The following NUP153 variants were observed in gnomAD, a reference collection of about 807,000 sequenced individuals.
NUP153 encodes nuclear pore complex protein Nup153.
In NUP153, 27 loss-of-function variants were observed where a neutral mutation model predicts 134.6. The ratio of observed to expected loss-of-function variants is 0.20; its 90% CI spans 0.15 to 0.28. The LOEUF (loss-of-function observed/expected upper bound fraction) is 0.28, where lower values mean the gene tolerates loss of function less well. NUP153 is among the 10% of genes least tolerant of loss of function. The pLI, the probability that NUP153 is intolerant of heterozygous loss-of-function variation, is 1.00. For missense variants in NUP153, 1,821 were observed against 1,731.3 expected (o/e 1.05, Z -0.92); for synonymous variants, 640 against 623.5 (o/e 1.03, Z -0.40).
In NUP153 at chr6:17,646,164, G is replaced by GA. The variant is rs745467678; in HGVS notation, c.1633-11dup. On this transcript the variant is annotated splice_polypyrimidine_tract_variant and intron_variant, in intron 13 of 21. Transcript: ENST00000262077. Reference sequence around the variant, plus strand: ...TAAATGTAAATCCAATCTGTAAAGAGAAAGAATATCCTTATACTTCGTTTT... The same window carrying GA: ...TAAATGTAAATCCAATCTGTAAAGAGAAAAGAATATCCTTATACTTCGTTTT... 6.9e-7 allele frequency: 1 copy of GA among 1,453,762 alleles called. No homozygotes were observed. The highest frequency in any genetic ancestry group is 2.3e-5 in the East Asian group (1 of 44,020). 90.1% of individuals were successfully genotyped at this position (1,453,762 alleles called of 1,614,324 possible). A position where few individuals can be genotyped will look rare whatever the true frequency, so the allele number is the denominator to read the frequency against.
chr6:17,664,129 A>G (rs558095186), intron 9 of NUP153, among the ~76,000 whole-genome samples: 1 of 152,170 alleles, frequency 6.6e-6, no homozygotes, highest in Non-Finnish European at 1.5e-5. Context: ...ATAAAAAGGG[A>G]AAAAATGAAG....
intron 14 of NUP153, among the ~76,000 whole-genome samples, chr6:17,644,990 G>C (rs181456416): frequency 1.3e-5 from 2 of 152,008 alleles, no homozygotes; most frequent in African/African-American, 4.8e-5. Flanking sequence ...GGAGGTTGAG[G>C]AGGAGAATGG....
intron 1 of NUP153, among the ~76,000 whole-genome samples, chr6:17,705,573 G>A (rs1048338845): frequency 7.3e-5 from 11 of 151,098 alleles, no homozygotes; most frequent in Non-Finnish European, 5.9e-5. Context: ...ATAAAGGCGG[G>A]GGTGGCGGTG....
At position 17,706,730 on chromosome 6, in the gene NUP153, A is replaced by C; in HGVS notation, c.-343T>G. 1 of 257,004 alleles carries C rather than the reference A, an allele frequency of 3.9e-6. No individual in the cohort carries two copies. The highest frequency in any genetic ancestry group is 7.5e-6 in the Non-Finnish European group (1 of 133,116). 15.9% of individuals were successfully genotyped at this position (257,004 alleles called of 1,614,324 possible). On this transcript the variant is annotated 5_prime_UTR_variant, in exon 1 of 22. Transcript: ENST00000262077. The surrounding 1 kb of genome is among the most constrained non-coding windows in gnomAD (Gnocchi z 5.9). ...CCCCGCGGTGCTGAGGCCTAACTCG[A>C]CCGCCGACTGGTGGGAGTTCTTCCG...
At chr6:17,616,270 A>T in intron 21 of NUP153, 89 bp from the exon 22 acceptor site, 2 of 327,152 alleles carry the variant, frequency 6.1e-6, no homozygotes, top group Non-Finnish European at 5.1e-6. Context: ...CACAAGGGTA[A>T]GGGGGGTCGG....
chr6:17,700,395 C>T (rs537392491), intron 1 of NUP153, among the ~76,000 whole-genome samples: 5 of 152,284 alleles, frequency 3.3e-5, no homozygotes, highest in Non-Finnish European at 1.5e-5. Context: ...GAACAGGGAT[C>T]CAAACTCAGG....
At chr6:17,697,586 C>T (rs1213480524) in intron 1 of NUP153, among the ~76,000 whole-genome samples, 1 of 152,096 alleles carries the variant, frequency 6.6e-6, no homozygotes, top group Non-Finnish European at 1.5e-5. Context: ...ACTTGAGAGG[C>T]TGAGGGAGGG....
chr6:17,636,829 CT>C (rs1267923722), intron 16 of NUP153, among the ~76,000 whole-genome samples: 1 of 152,140 alleles, frequency 6.6e-6, no homozygotes, highest in Non-Finnish European at 1.5e-5. Flanking sequence ...TAATATTTTA[CT>C]CTGTACAAAG....
At chr6:17,667,554 A>G (rs1271170904) in intron 8 of NUP153, among the ~76,000 whole-genome samples, 1 of 152,094 alleles carries the variant, frequency 6.6e-6, no homozygotes, top group African/African-American at 2.4e-5. Context: ...CTCTACTAAA[A>G]ATACAAAAAA....
chr6:17,640,129 T>C, intron 14 of NUP153, 65 bp from the exon 15 acceptor site: 1 of 1,258,976 alleles, frequency 7.9e-7, no homozygotes, highest in South Asian at 1.8e-5. Context: ...AATGCATTTT[T>C]AAAAATCTTT....
chr6:17,622,248 G>C (rs1353521497), intron 20 of NUP153, among the ~76,000 whole-genome samples: 1 of 152,122 alleles, frequency 6.6e-6, no homozygotes, highest in South Asian at 2.1e-4. Flanking sequence ...TCGGGAGTTA[G>C]AGACCAGCCT....
Position 17,628,710 on chromosome 6 carries a change from A to G in NUP153, c.3489T>C (p.Ser1163=). The G allele has an allele frequency of 6.2e-7, 1 of 1,613,608 alleles. No homozygotes were observed. Among genetic ancestry groups the G allele is most frequent in the Non-Finnish European group, 8.5e-7 (1 of 1,179,762 alleles). ...CAAAAGTGGCTTTTGCTGGCTGTTC[A>G]GATTCCTTCTCAGATGGTTTTGTCA... ...FSMTKPSEKE[S]EQPAKATFAF... Residue 1163 remains serine (S), a synonymous_variant, in exon 18 of 22, where the codon TCT becomes TCC. Transcript: ENST00000262077. The surrounding 1 kb of genome is among the most constrained non-coding windows in gnomAD (Gnocchi z 5.4).
At chr6:17,644,979 G>A (rs750569844) in intron 14 of NUP153, among the ~76,000 whole-genome samples, 8 of 152,068 alleles carry the variant, frequency 5.3e-5, no homozygotes, top group African/African-American at 9.7e-5. Flanking sequence ...CCAGCTACTC[G>A]GGAGGTTGAG....
chr6:17,684,512 A>C (rs1426171387), intron 2 of NUP153, among the ~76,000 whole-genome samples: 1 of 152,212 alleles, frequency 6.6e-6, no homozygotes, highest in Non-Finnish European at 1.5e-5. Context: ...TCTTCTATCT[A>C]AACCAACTCA....
chr6:17,669,044 A>AAC lies in NUP153; in HGVS notation c.1015-18_1015-17dup. ...TATCAAGAGGCTGAAAAAAAAAAAA[A>AAC]ACACTATTAGAATAGATGGGGAGTT... On this transcript the variant is annotated splice_polypyrimidine_tract_variant and intron_variant, in intron 7 of 21. Transcript: ENST00000262077. 1.3e-6 allele frequency: 2 copies of AAC among 1,491,690 alleles called. No individual in the cohort carries two copies. Among genetic ancestry groups the AAC allele is most frequent in the Non-Finnish European group, 1.8e-6 (2 of 1,115,530 alleles). 92.4% of individuals were successfully genotyped at this position (1,491,690 alleles called of 1,614,324 possible).
chr6:17,663,275 A>ATT (rs1366202366), intron 9 of NUP153, among the ~76,000 whole-genome samples: 14 of 151,036 alleles, frequency 9.3e-5, no homozygotes, highest in Non-Finnish European at 1.5e-4. Flanking sequence ...ATATATATAT[A>ATT]TTTTGAGTCA....
rs10527400 is a variant in NUP153, at chr6:17,665,052, C to CAAAA, written c.1215+183_1215+186dup. Reference sequence around the variant, plus strand: ...CTGGAGACAGAGTGAGACTCCGTCTCAAAAAAAAAAAAATTTGATCAAGGT... The same window carrying CAAAA: ...CTGGAGACAGAGTGAGACTCCGTCTCAAAAAAAAAAAAAAAAATTTGATCAAGGT... On this transcript the variant is annotated intron_variant, in intron 9 of 21. Transcript: ENST00000262077. 7.2e-5 allele frequency among the ~76,000 whole-genome samples: 5 copies of CAAAA among 69,678 alleles called. 1 individual carries two copies. Among genetic ancestry groups the CAAAA allele is most frequent in the South Asian group, 7.3e-4 (1 of 1,368 alleles). The allele number at this position is 69,678 out of a possible 152,430, so 45.7% of individuals were successfully genotyped here.
rs753048796 is a variant in NUP153 at position 17,688,545 on chromosome 6, T to A, written c.185A>T (p.Asn62Ile). 22 of 1,614,026 alleles carry A rather than the reference T, an allele frequency of 1.4e-5. No homozygotes were observed. Among genetic ancestry groups the A allele is most frequent in the Non-Finnish European group, 1.9e-5 (22 of 1,179,994 alleles). The change falls in exon 2 of 22, where the codon AAT becomes ATT. Residue 62 changes from asparagine to isoleucine, a missense_variant. By Grantham distance (149) the Asn-to-Ile change is moderately radical. Coordinates refer to ENST00000262077, the MANE Select transcript of NUP153 (RefSeq NM_005124.4). ...TGTTGAACAGCTGCATACATCTTCA[T>A]TCTTGTTGAAGTATCTTTGTAGCCA... ...PGWLQRYFNKNEDVCSCSTDT... is the reference protein window; with the variant it reads ...PGWLQRYFNKIEDVCSCSTDT...
chr6:17,630,798 G>C (rs1765212252), intron 17 of NUP153, among the ~76,000 whole-genome samples: 4 of 151,152 alleles, frequency 2.6e-5, no homozygotes. Flanking sequence ...GAAGACAGGA[G>C]AGAAGAGAGA....
Sources: gnomAD v4.1 joint callset for allele counts (sites outside exome capture counted in the v4.1 genomes callset) on GRCh38, gnomAD v4.1.1 for gene constraint, Gnocchi (gnomAD v3.1) non-coding constraint, MANE v1.5 for transcripts, NCBI Gene and HGNC (gene_info 2026-07-23, HGNC 2026-07-21) for gene names.